The following CAMTA1 variants were observed in gnomAD, a reference collection of about 807,000 sequenced individuals.
CAMTA1 encodes calmodulin binding transcription activator 1.
Under a neutral mutation model 170.9 loss-of-function variants are expected in CAMTA1, and 27 were observed. That is an observed-to-expected ratio of 0.16 (90% CI 0.12 to 0.22). The LOEUF is 0.22. Among genes scored for constraint, CAMTA1 ranks in the 10% least tolerant of loss-of-function variants. The probability of loss-of-function intolerance (pLI) is 1.00; values close to 1 mark genes in which losing one functional copy is unlikely to be tolerated. For missense variants in CAMTA1, 1,619 were observed against 2,217.2 expected (o/e 0.73, Z 5.42); for synonymous variants, 833 against 891.5 (o/e 0.93, Z 1.17).
chr1:7,737,396 T>C lies in CAMTA1; in HGVS notation c.3484T>C (p.Cys1162Arg), dbSNP rs1291322312. 6.2e-7 allele frequency: 1 copy of C among 1,614,046 alleles called. No individual in the cohort carries two copies. The highest frequency in any genetic ancestry group is 1.7e-5 in the Admixed American group (1 of 60,004). The change falls in exon 15 of 23, where the codon TGT becomes CGT. Residue 1162 changes from cysteine (C) to arginine (R), a missense_variant. Around this residue, in one of 8 missense-constraint regions of CAMTA1, gnomAD observed 60 missense variants for 128.5 expected, o/e 0.47. Transcript: ENST00000303635. ...ACGGGGTCATGTGAAATTAGCAGAGTGTCTGGAGCACCTGCAGAGAGATGA... is the reference window on the plus strand; with the variant it reads ...ACGGGGTCATGTGAAATTAGCAGAGCGTCTGGAGCACCTGCAGAGAGATGA... The part of the protein sequence containing the change: ...RSRGHVKLAE[C>R]LEHLQRDEQA...
intron 6 of CAMTA1, among the ~76,000 whole-genome samples, chr1:7,525,075 C>T (rs529252835): frequency 3.9e-5 from 6 of 152,198 alleles, no homozygotes; most frequent in Non-Finnish European, 5.9e-5. Flanking sequence ...CACCCGCCCC[C>T]GCGTCGGCCC....
chr1:7,027,393 G>A (rs1702164577), intron 3 of CAMTA1, among the ~76,000 whole-genome samples: 1 of 152,158 alleles, frequency 6.6e-6, no homozygotes, highest in Admixed American at 6.5e-5. Context: ...AGGCCCACGA[G>A]ACCTGGGGGA....
chr1:6,929,095 A>AT (rs1683888420), intron 3 of CAMTA1, among the ~76,000 whole-genome samples: 1 of 152,240 alleles, frequency 6.6e-6, no homozygotes, highest in Non-Finnish European at 1.5e-5. Flanking sequence ...CAGCTACCAT[A>AT]TATCATCAAC....
At chr1:7,143,200 C>T (rs910585647) in intron 4 of CAMTA1, among the ~76,000 whole-genome samples, 4 of 152,178 alleles carry the variant, frequency 2.6e-5, no homozygotes, top group African/African-American at 9.7e-5. Context: ...GGCCGAGACT[C>T]AGGCACACTC....
chr1:7,729,719 A>C (rs2096717859), intron 11 of CAMTA1, among the ~76,000 whole-genome samples: 1 of 152,234 alleles, frequency 6.6e-6, no homozygotes, highest in African/African-American at 2.4e-5. Context: ...CTGGAAAATG[A>C]GGATAATAAC....
rs548646985 is a variant in CAMTA1 at position 6,894,385 on chromosome 1, G to A, written c.234+69175G>A. On this transcript the variant is annotated intron_variant, in intron 3 of 22. Transcript: ENST00000303635. Reference sequence around the variant, plus strand: ...CATGTGGAATTAAGGGGCAAAAGCTGCCTTTAAAAAGCATTAGGTTTGGAA... The same window carrying A: ...CATGTGGAATTAAGGGGCAAAAGCTACCTTTAAAAAGCATTAGGTTTGGAA... Among the ~76,000 whole-genome samples the A allele has an allele frequency of 8.3e-4, 126 of 152,330 alleles. 1 individual carries two copies. The highest frequency in any genetic ancestry group is 2.9e-3 in the African/African-American group (119 of 41,568).
chr1:7,551,085 T>C (rs1292379478), intron 6 of CAMTA1, among the ~76,000 whole-genome samples: 5 of 152,156 alleles, frequency 3.3e-5, no homozygotes, highest in Non-Finnish European at 7.3e-5. Context: ...GGAGAGCCAG[T>C]GTGACCTTCA....
intron 3 of CAMTA1, among the ~76,000 whole-genome samples, chr1:6,926,564 C>CTT (rs1557838689): frequency 7.3e-6 from 1 of 136,238 alleles, no homozygotes; most frequent in African/African-American, 2.8e-5. Context: ...TTCCTTCTTT[C>CTT]TCTCTCTCTC....
intron 4 of CAMTA1, among the ~76,000 whole-genome samples, chr1:7,122,091 G>A (rs1644677722): frequency 6.6e-6 from 1 of 152,006 alleles, no homozygotes; most frequent in South Asian, 2.1e-4. Context: ...GGAGTGTTCT[G>A]GGCTCTGTGA....
At chr1:7,185,557 T>C (rs1653080314) in intron 4 of CAMTA1, among the ~76,000 whole-genome samples, 1 of 152,226 alleles carries the variant, frequency 6.6e-6, no homozygotes, top group South Asian at 2.1e-4. Context: ...AGTCCTGACA[T>C]ATCTCCCCAC....
chr1:7,410,738 G>A (rs1368058831), intron 5 of CAMTA1, among the ~76,000 whole-genome samples: 1 of 152,112 alleles, frequency 6.6e-6, no homozygotes, highest in Non-Finnish European at 1.5e-5. Flanking sequence ...CTGGAAATAC[G>A]GAGCCCTGAA....
chr1:6,887,932 G>A lies in CAMTA1; in HGVS notation c.234+62722G>A. ...TTATTACGAAGGAGCTCCGCAGCCT[G>A]ACTGAGCTCTGGAGAGCAGGGCTCT... On this transcript the variant is annotated intron_variant, in intron 3 of 22. Coordinates refer to ENST00000303635, the MANE Select transcript of CAMTA1 (RefSeq NM_015215.4). The surrounding 1 kb of genome is among the most constrained non-coding windows in gnomAD (Gnocchi z 4.1). 1 of 1,326,188 alleles carries A rather than the reference G, an allele frequency of 7.5e-7. No individual in the cohort carries two copies. The highest frequency in any genetic ancestry group is 3.2e-5 in the East Asian group (1 of 31,544). 82.2% of individuals were successfully genotyped at this position (1,326,188 alleles called of 1,614,324 possible).
chr1:7,177,948 G>T (rs1376273267), intron 4 of CAMTA1, among the ~76,000 whole-genome samples: 2 of 143,982 alleles, frequency 1.4e-5, no homozygotes, highest in African/African-American at 5.2e-5. Context: ...CTCCACACAC[G>T]GAGGCTCCTC....
chr1:7,504,632 G>A (rs1024515006), intron 6 of CAMTA1, among the ~76,000 whole-genome samples: 2 of 152,278 alleles, frequency 1.3e-5, no homozygotes, highest in African/African-American at 4.8e-5. Context: ...AGAGGTTGGG[G>A]ATGCACCAAA....
intron 3 of CAMTA1, among the ~76,000 whole-genome samples, chr1:7,048,300 G>A (rs560970618): frequency 9.6e-4 from 146 of 152,258 alleles, no homozygotes; most frequent in Non-Finnish European, 1.8e-3. Context: ...GGGAAAAAGA[G>A]TCACTCCAAG....
intron 3 of CAMTA1, among the ~76,000 whole-genome samples, chr1:6,958,294 G>A (rs1225771288): frequency 3.3e-5 from 5 of 152,174 alleles, no homozygotes; most frequent in Non-Finnish European, 7.4e-5. Context: ...AACTCCAGAC[G>A]CTGCACAAAC....
rs997177030 is a variant in CAMTA1 at position 7,044,843 on chromosome 1, A to G, written c.235-46461A>G. 1.4e-4 allele frequency among the ~76,000 whole-genome samples: 19 copies of G among 140,224 alleles called. No individual in the cohort carries two copies. Among genetic ancestry groups the G allele is most frequent in the African/African-American group, 4.6e-4 (17 of 37,076 alleles). The allele number at this position is 140,224 out of a possible 152,430, so 92.0% of individuals were successfully genotyped here. A position where few individuals can be genotyped will look rare whatever the true frequency, so the allele number is the denominator to read the frequency against. On this transcript the variant is annotated intron_variant, in intron 3 of 22. Coordinates refer to ENST00000303635, the MANE Select transcript of CAMTA1 (RefSeq NM_015215.4). The surrounding 1 kb of genome is among the most constrained non-coding windows in gnomAD (Gnocchi z 5.0). ...CTTCCCGCCTGTGGTTTTCTTTCCC[A>G]TTCCTGTCTGCCAGCAGTGCCTCCT...
chr1:7,726,892 C>T (rs2096691356), intron 11 of CAMTA1, among the ~76,000 whole-genome samples: 1 of 152,212 alleles, frequency 6.6e-6, no homozygotes, highest in Non-Finnish European at 1.5e-5. Flanking sequence ...CTCTGAGCCT[C>T]ATGTGCCCAT....
intron 5 of CAMTA1, among the ~76,000 whole-genome samples, chr1:7,452,024 C>T (rs1269272227): frequency 1.3e-5 from 2 of 152,240 alleles, no homozygotes; most frequent in South Asian, 4.1e-4. Context: ...AGGTTTGGAC[C>T]TCAGGCTCAC....
Sources: gnomAD v4.1 joint callset for allele counts (sites outside exome capture counted in the v4.1 genomes callset) on GRCh38, gnomAD v4.1.1 for gene constraint, gnomAD v4.1.1 regional missense constraint, Gnocchi (gnomAD v3.1) non-coding constraint, MANE v1.5 for transcripts, NCBI Gene and HGNC (gene_info 2026-07-23, HGNC 2026-07-21) for gene names.